The following PLCE1 variants were observed in gnomAD, a reference collection of about 807,000 sequenced individuals.
The protein encoded by PLCE1 is phospholipase C epsilon 1, also known as 1-phosphatidylinositol 4,5-bisphosphate phosphodiesterase epsilon-1.
In PLCE1, 119 loss-of-function variants were observed where a neutral mutation model predicts 242.8. That is an observed-to-expected ratio of 0.49 (90% confidence interval 0.42 to 0.57). The LOEUF (loss-of-function observed/expected upper bound fraction) is 0.57. Ranked by LOEUF, PLCE1 falls within the 20% of genes least tolerant of loss-of-function variation. The pLI, the probability that PLCE1 is intolerant of heterozygous loss-of-function variation, is 0.00. For synonymous variants in PLCE1, 945 were observed against 1,017.4 expected (o/e 0.93, Z 1.35); for missense variants, 2,441 against 2,788.8 (o/e 0.88, Z 2.81).
At position 93,994,062 on chromosome 10, in the gene PLCE1, TCTACCTC is replaced by T. The variant is rs1304818351; in HGVS notation, c.-559_-553del. 1.2e-5 allele frequency among the ~76,000 whole-genome samples: 1 copy of T among 84,612 alleles called. No homozygotes were observed. Among genetic ancestry groups the T allele is most frequent in the Non-Finnish European group, 2.9e-5 (1 of 34,634 alleles). The allele number at this position is 84,612 out of a possible 152,430, so 55.5% of individuals were successfully genotyped here. On this transcript the variant is annotated 5_prime_UTR_variant, in exon 1 of 33. Coordinates refer to ENST00000371380, the MANE Select transcript of PLCE1 (RefSeq NM_016341.4). The stretch of plus-strand genomic sequence containing the variant: ...AGGGGCAGCGGCGGCGCGCCCGGGC[TCTACCTC>T]CCGGGCTCTGCCTCCCGGGCTCTGC...
intron 1 of PLCE1, among the ~76,000 whole-genome samples, chr10:94,003,297 G>A (rs1160778193): frequency 6.6e-6 from 1 of 152,188 alleles, no homozygotes; most frequent in East Asian, 1.9e-4. Context: ...CTTTGAAGAA[G>A]TAGTTTTATA....
At chr10:94,248,066 C>T (rs1413963963) in intron 8 of PLCE1, among the ~76,000 whole-genome samples, 1 of 152,220 alleles carries the variant, frequency 6.6e-6, no homozygotes, top group Non-Finnish European at 1.5e-5. Flanking sequence ...ATTTCATGTA[C>T]TTGTCACAGT....
Position 94,126,323 on chromosome 10 carries a change from C to T in PLCE1, c.1207-5851C>T, listed in dbSNP as rs556545346. 4.4e-4 allele frequency among the ~76,000 whole-genome samples: 67 copies of T among 152,334 alleles called. 2 individuals carry two copies. The South Asian group carries it at 8.3e-3, about 19-fold the overall frequency. The stretch of plus-strand genomic sequence containing the variant: ...AAAGCCTACATCTCTAAAAACTTAG[C>T]AGTGACCAAATATAACAACTTTGAC... On this transcript the variant is annotated intron_variant, in intron 2 of 32. Coordinates refer to ENST00000371380, the MANE Select transcript of PLCE1 (RefSeq NM_016341.4).
At chr10:94,188,513 C>G (rs2048554052) in intron 4 of PLCE1, among the ~76,000 whole-genome samples, 1 of 152,220 alleles carries the variant, frequency 6.6e-6, no homozygotes, top group Non-Finnish European at 1.5e-5. Flanking sequence ...CCTTCTGACT[C>G]CACGTCCTGG....
At chr10:94,071,279 C>T (rs1336606311) in intron 2 of PLCE1, among the ~76,000 whole-genome samples, 1 of 152,074 alleles carries the variant, frequency 6.6e-6, no homozygotes, top group Non-Finnish European at 1.5e-5. Flanking sequence ...ATAGTTTCCT[C>T]CAAACCAGAG....
At chr10:94,026,906 G>A (rs2061461215) in intron 1 of PLCE1, among the ~76,000 whole-genome samples, 1 of 152,074 alleles carries the variant, frequency 6.6e-6, no homozygotes, top group Admixed American at 6.6e-5. Flanking sequence ...GATATTTCAA[G>A]GCATAGAATA....
chr10:94,000,505 C>A (rs2060912533), intron 1 of PLCE1, among the ~76,000 whole-genome samples: 1 of 152,194 alleles, frequency 6.6e-6, no homozygotes, highest in Non-Finnish European at 1.5e-5. Flanking sequence ...AGAATTCTAA[C>A]AAATATTAGC....
intron 4 of PLCE1, among the ~76,000 whole-genome samples, chr10:94,217,188 T>C (rs1352024135): frequency 6.6e-6 from 1 of 151,754 alleles, no homozygotes; most frequent in Non-Finnish European, 1.5e-5. Flanking sequence ...ATCTGTAAAA[T>C]GGCAGCAGTA....
intron 1 of PLCE1, among the ~76,000 whole-genome samples, chr10:94,002,433 A>G (rs1365178336): frequency 6.6e-6 from 1 of 152,132 alleles, no homozygotes; most frequent in Non-Finnish European, 1.5e-5. Flanking sequence ...GAGTGTGCTC[A>G]TTTCTCACCA....
intron 8 of PLCE1, among the ~76,000 whole-genome samples, chr10:94,250,926 CTTG>C (rs1283917842): frequency 5.9e-5 from 9 of 152,136 alleles, no homozygotes; most frequent in African/African-American, 2.2e-4. Flanking sequence ...CTCCTAGTGA[CTTG>C]TTAGCAGGGA....
At chr10:94,245,687 A>G (rs1328619260) in intron 7 of PLCE1, among the ~76,000 whole-genome samples, 1 of 152,160 alleles carries the variant, frequency 6.6e-6, no homozygotes, top group African/African-American at 2.4e-5. Context: ...GGGTTTCACC[A>G]TGTTGGCCAG....
chr10:94,259,090 G>A lies in PLCE1; in HGVS notation c.3754G>A (p.Ala1252Thr). The part of the protein sequence containing the change: ...VPCNRSGSES[A>T]PLYTNLTIDE... Reference sequence around the variant, plus strand: ...CTGCAACCGATCTGGCTCCGAGTCAGCCCCACTCTACACCAACCTGACAAT... The same window carrying A: ...CTGCAACCGATCTGGCTCCGAGTCAACCCCACTCTACACCAACCTGACAAT... The change falls in exon 13 of 33, where the codon GCC (alanine) becomes ACC (threonine). Residue 1252 changes from alanine to threonine, a missense_variant. Physicochemically the swap from Ala to Thr is moderately conservative, Grantham distance 58. Transcript: ENST00000371380. 2 of 1,614,032 alleles carry A rather than the reference G, an allele frequency of 1.2e-6. No individual in the cohort carries two copies. The highest frequency in any genetic ancestry group is 1.7e-6 in the Non-Finnish European group (2 of 1,179,970).
In PLCE1 at chr10:94,306,400, T is replaced by C; in HGVS notation, c.5623-27T>C. ...CTTTCTTTTTTATCCTCGGTGACTT[T>C]GATCCCTTTTGTCTCCCTCACCCTA... On this transcript the variant is annotated intron_variant, in intron 25 of 32. Coordinates refer to ENST00000371380, the MANE Select transcript of PLCE1 (RefSeq NM_016341.4). This position sits in a 1 kb window ranked among gnomAD's most constrained non-coding sequence, Gnocchi z 5.7. 1 of 1,614,164 alleles carries C rather than the reference T, an allele frequency of 6.2e-7. No individual in the cohort carries two copies.
intron 29 of PLCE1, among the ~76,000 whole-genome samples, chr10:94,318,219 G>C (rs1300538426): frequency 2.6e-5 from 4 of 152,142 alleles, no homozygotes; most frequent in African/African-American, 9.7e-5. Flanking sequence ...TAATTGCTAA[G>C]ACAGAGACCA....
chr10:94,311,090 A>G (rs2133706190), intron 27 of PLCE1, among the ~76,000 whole-genome samples: 1 of 152,304 alleles, frequency 6.6e-6, no homozygotes, highest in South Asian at 2.1e-4. Flanking sequence ...GGAACAAGGT[A>G]TGGGAGGAGG....
chr10:94,217,514 G>C (rs972672327), intron 4 of PLCE1, among the ~76,000 whole-genome samples: 2 of 152,190 alleles, frequency 1.3e-5, no homozygotes, highest in African/African-American at 4.8e-5. Flanking sequence ...CTCTGCATGA[G>C]ATGAGGCTTA....
intron 3 of PLCE1, among the ~76,000 whole-genome samples, chr10:94,148,156 A>G (rs1411598964): frequency 6.6e-6 from 1 of 152,160 alleles, no homozygotes; most frequent in Non-Finnish European, 1.5e-5. Flanking sequence ...AGGTCATTAT[A>G]ATGGGTTAAA....
intron 2 of PLCE1, among the ~76,000 whole-genome samples, chr10:94,037,932 T>A (rs1175276860): frequency 6.6e-6 from 1 of 152,160 alleles, no homozygotes; most frequent in Non-Finnish European, 1.5e-5. Context: ...GGATTATTAT[T>A]ATTTTTCTTT....
chr10:94,206,205 AC>A (rs2049154145), intron 4 of PLCE1, among the ~76,000 whole-genome samples: 1 of 152,154 alleles, frequency 6.6e-6, no homozygotes, highest in African/African-American at 2.4e-5. Flanking sequence ...GGAATGAGCT[AC>A]CTGGACATGC....
Sources: gnomAD v4.1 joint callset for allele counts (sites outside exome capture counted in the v4.1 genomes callset) on GRCh38, gnomAD v4.1.1 for gene constraint, Gnocchi (gnomAD v3.1) non-coding constraint, MANE v1.5 for transcripts, NCBI Gene and HGNC (gene_info 2026-07-23, HGNC 2026-07-21) for gene names.